The following GUCY1A1 variants were observed in gnomAD, a reference collection of about 807,000 sequenced individuals.
The protein encoded by GUCY1A1 is guanylate cyclase soluble subunit alpha-1.
GUCY1A1 carries 48 observed loss-of-function variants against 64.5 expected under a neutral mutation model. The ratio of observed to expected loss-of-function variants is 0.74; its 90% CI spans 0.59 to 0.95. GUCY1A1 has a LOEUF of 0.95. GUCY1A1 is among the 40% of genes least tolerant of loss of function. The pLI is 0.00. For synonymous variants in GUCY1A1, 308 were observed against 303.4 expected (o/e 1.02, Z -0.16); for missense variants, 804 against 825.3 (o/e 0.97, Z 0.32).
chr4:155,704,324 C>T (rs181387568), intron 4 of GUCY1A1, among the ~76,000 whole-genome samples: 40 of 152,090 alleles, frequency 2.6e-4, no homozygotes, highest in South Asian at 1.2e-3. Flanking sequence ...CCTGTAAGGC[C>T]GATTCTTTTG....
chr4:155,675,067 G>A (rs1734709777), intron 2 of GUCY1A1, among the ~76,000 whole-genome samples: 1 of 151,504 alleles, frequency 6.6e-6, no homozygotes, highest in Non-Finnish European at 1.5e-5. Context: ...ATGGGAACAT[G>A]ATTGTGTATG....
Position 155,733,521 on chromosome 4 carries a change from A to G in GUCY1A1, c.*3290A>G, listed in dbSNP as rs1472746864. Among the ~76,000 whole-genome samples the G allele has an allele frequency of 6.6e-6, 1 of 151,770 alleles. No individual in the cohort carries two copies. Among genetic ancestry groups the G allele is most frequent in the African/African-American group, 2.4e-5 (1 of 41,380 alleles). ...TAGTTATTCATATTGCTATTGTAAT[A>G]TTAATATATAGTAATTAACTACACA... On this transcript the variant is annotated 3_prime_UTR_variant, in exon 10 of 10. Coordinates refer to ENST00000506455, the MANE Select transcript of GUCY1A1 (RefSeq NM_001130682.3).
At position 155,713,193 on chromosome 4, in the gene GUCY1A1, A is replaced by C; in HGVS notation, c.1182A>C (p.Thr394=). ...GTGTGGACAGATTAGAAGATTTTACAGGACGAGGGCTCTACCTCTCAGACA... is the reference window on the plus strand; with the variant it reads ...GTGTGGACAGATTAGAAGATTTTACCGGACGAGGGCTCTACCTCTCAGACA... ...SPCVDRLEDF[T]GRGLYLSDIP... is the part of the protein sequence containing the mutation. Residue 394 remains threonine, a synonymous_variant, in exon 7 of 10, where the codon ACA becomes ACC. Transcript: ENST00000506455. 6.2e-7 allele frequency: 1 copy of C among 1,614,094 alleles called. No homozygotes were observed. The highest frequency in any genetic ancestry group is 1.1e-5 in the South Asian group (1 of 91,082).
intron 6 of GUCY1A1, among the ~76,000 whole-genome samples, chr4:155,712,119 A>T (rs1560952181): frequency 6.6e-6 from 1 of 152,016 alleles, no homozygotes; most frequent in Non-Finnish European, 1.5e-5. Flanking sequence ...ATCCCATCAT[A>T]TGGTTGTGCT....
At chr4:155,675,662 T>C (rs1402938864) in intron 2 of GUCY1A1, among the ~76,000 whole-genome samples, 1 of 151,672 alleles carries the variant, frequency 6.6e-6, no homozygotes, top group Non-Finnish European at 1.5e-5. Flanking sequence ...TGGCTCAGAA[T>C]AATTCATAAG....
At chr4:155,707,312 C>T (rs186907687) in intron 4 of GUCY1A1, among the ~76,000 whole-genome samples, 37 of 152,328 alleles carry the variant, frequency 2.4e-4, no homozygotes, top group African/African-American at 8.2e-4. Flanking sequence ...GTGGAAAATG[C>T]ATTTAACACG....
intron 5 of GUCY1A1, among the ~76,000 whole-genome samples, chr4:155,709,091 C>G (rs1246891296): frequency 6.6e-6 from 1 of 152,106 alleles, no homozygotes; most frequent in East Asian, 1.9e-4. Context: ...AAAATGAAAA[C>G]TACATACAAC....
At chr4:155,709,764 C>T (rs566751078) in intron 5 of GUCY1A1, among the ~76,000 whole-genome samples, 66 of 152,042 alleles carry the variant, frequency 4.3e-4, no homozygotes, top group Non-Finnish European at 7.2e-4. Flanking sequence ...ACCTGGGAGG[C>T]AGAGCTTACA....
intron 2 of GUCY1A1, among the ~76,000 whole-genome samples, chr4:155,695,494 TA>T (rs1730296603): frequency 6.6e-6 from 1 of 152,200 alleles, no homozygotes; most frequent in African/African-American, 2.4e-5. Flanking sequence ...ATTTTGAAGA[TA>T]AAAATCTAAG....
chr4:155,684,195 G>C (rs1392077232), intron 2 of GUCY1A1, among the ~76,000 whole-genome samples: 3 of 152,172 alleles, frequency 2.0e-5, no homozygotes, highest in Non-Finnish European at 2.9e-5. Context: ...AGATGGCAGA[G>C]GCATTAAAAG....
chr4:155,724,989 G>A (rs1207067574), intron 9 of GUCY1A1, among the ~76,000 whole-genome samples: 4 of 151,882 alleles, frequency 2.6e-5, no homozygotes, highest in Admixed American at 1.3e-4. Flanking sequence ...TCAGACCATC[G>A]ACCTTACAGT....
rs1354048446 is a variant in GUCY1A1, at chr4:155,733,407, A to G, written c.*3176A>G. Among the ~76,000 whole-genome samples, 1 of 151,718 alleles carries G rather than the reference A, an allele frequency of 6.6e-6. No homozygotes were observed. Among genetic ancestry groups the G allele is most frequent in the Non-Finnish European group, 1.5e-5 (1 of 67,842 alleles). Reference sequence around the variant, plus strand: ...CATTCTGGACAGCCAGTTACCTGGGATGAGTTGGGAGGGAGGAGAATAAGG... The same window carrying G: ...CATTCTGGACAGCCAGTTACCTGGGGTGAGTTGGGAGGGAGGAGAATAAGG... On this transcript the variant is annotated 3_prime_UTR_variant, in exon 10 of 10. Transcript: ENST00000506455.
intron 7 of GUCY1A1, among the ~76,000 whole-genome samples, chr4:155,716,710 G>T (rs1733278122): frequency 6.6e-6 from 1 of 152,054 alleles, no homozygotes; most frequent in Admixed American, 6.5e-5. Context: ...CAATTTTACT[G>T]CATTGATGTG....
chr4:155,677,257 G>A (rs1735086247), intron 2 of GUCY1A1, among the ~76,000 whole-genome samples: 1 of 152,182 alleles, frequency 6.6e-6, no homozygotes, highest in African/African-American at 2.4e-5. Flanking sequence ...GAAAGATCCT[G>A]AAGAATGCTT....
intron 2 of GUCY1A1, among the ~76,000 whole-genome samples, chr4:155,679,608 A>G (rs1735438183): frequency 6.6e-6 from 1 of 152,212 alleles, no homozygotes; most frequent in South Asian, 2.1e-4. Flanking sequence ...AACGGTGCCA[A>G]GTCATTCATG....
intron 2 of GUCY1A1, among the ~76,000 whole-genome samples, chr4:155,688,420 A>G (rs932175138): frequency 4.6e-5 from 7 of 152,192 alleles, no homozygotes; most frequent in Non-Finnish European, 8.8e-5. Flanking sequence ...GATGTCATGT[A>G]ATCATCAAGT....
At chr4:155,697,860 A>G (rs900632308) in intron 3 of GUCY1A1, among the ~76,000 whole-genome samples, 1 of 152,184 alleles carries the variant, frequency 6.6e-6, no homozygotes, top group African/African-American at 2.4e-5. Context: ...GACCTAAATA[A>G]ATAGAAGAGC....
At chr4:155,717,827 A>G (rs1447140652) in intron 8 of GUCY1A1, among the ~76,000 whole-genome samples, 3 of 152,166 alleles carry the variant, frequency 2.0e-5, no homozygotes, top group Non-Finnish European at 4.4e-5. Flanking sequence ...GGCTTCCACA[A>G]TTGTTCTTGA....
intron 2 of GUCY1A1, among the ~76,000 whole-genome samples, chr4:155,671,477 T>G (rs984390770): frequency 5.3e-5 from 8 of 152,190 alleles, no homozygotes; most frequent in Admixed American, 5.2e-4. Context: ...TTTATTCTTT[T>G]TTAGTTAATG....
Sources: allele counts gnomAD v4.1 joint callset (sites outside exome capture counted in the v4.1 genomes callset), GRCh38; gene constraint gnomAD v4.1.1; transcripts MANE v1.5; gene names NCBI Gene and HGNC (gene_info 2026-07-23, HGNC 2026-07-21).